The following EDNRA variants were observed in gnomAD, a reference collection of about 807,000 sequenced individuals.
EDNRA encodes the protein endothelin-1 receptor.
A neutral mutation model predicts 41.4 loss-of-function variants in EDNRA; 11 were observed. The observed-to-expected ratio is 0.27, with a 90% confidence interval of 0.17 to 0.44. EDNRA has a LOEUF of 0.44. EDNRA is among the 20% of genes least tolerant of loss of function. The probability of loss-of-function intolerance (pLI) is 1.00; values close to 1 mark genes in which losing one functional copy is unlikely to be tolerated. For synonymous variants in EDNRA, 172 were observed against 183.0 expected, an observed-to-expected ratio of 0.94 and a Z score of 0.49; for missense variants, 294 against 531.0, an observed-to-expected ratio of 0.55 and a Z score of 4.39.
chr4:147,510,956 C>A (rs1729898477), intron 2 of EDNRA, among the ~76,000 whole-genome samples: 1 of 152,154 alleles, frequency 6.6e-6, no homozygotes, highest in African/African-American at 2.4e-5. Flanking sequence ...TGTACAATTT[C>A]AGAGCTGGTA....
intron 4 of EDNRA, among the ~76,000 whole-genome samples, chr4:147,533,009 G>GTGTGTGTTTA (rs1449617446): frequency 1.5e-5 from 2 of 129,770 alleles, no homozygotes; most frequent in African/African-American, 7.3e-5. Context: ...GTGTGTATGT[G>GTGTGTGTTTA]TGTGTGTGTG....
chr4:147,535,866 TC>T lies in EDNRA; in HGVS notation c.748-10del. The T allele has an allele frequency of 3.1e-6, 5 of 1,605,964 alleles. No homozygotes were observed. Among genetic ancestry groups the T allele is most frequent in the African/African-American group, 1.3e-5 (1 of 74,364 alleles). On this transcript the variant is annotated splice_polypyrimidine_tract_variant and intron_variant, in intron 4 of 7. Transcript: ENST00000651419. ...TCCTCCTTTTCTCTTTTTTTTTTTT[TC>T]ACTTTGAAGTTCTACCAAGATGTAA... is the stretch of plus-strand genomic sequence containing the variant.
chr4:147,507,123 A>G (rs1297163893), intron 2 of EDNRA, among the ~76,000 whole-genome samples: 1 of 152,174 alleles, frequency 6.6e-6, no homozygotes. Flanking sequence ...GAGGTAGTAC[A>G]GAATCAAAGA....
chr4:147,509,179 T>G (rs1319123606), intron 2 of EDNRA, among the ~76,000 whole-genome samples: 4 of 152,370 alleles, frequency 2.6e-5, no homozygotes, highest in African/African-American at 7.2e-5. Flanking sequence ...TTCTGCATAT[T>G]GATCTTGGAT....
At chr4:147,489,598 G>A (rs768308987) in intron 2 of EDNRA, 1 of 152,162 alleles carries the variant, frequency 6.6e-6, no homozygotes, top group Non-Finnish European at 1.5e-5. Flanking sequence ...TAACATAACA[G>A]GTATCAAACA....
intron 3 of EDNRA, 82 bp from the exon 4 acceptor site, chr4:147,532,424 C>T: frequency 8.1e-7 from 1 of 1,239,138 alleles, no homozygotes; most frequent in Admixed American, 1.8e-5. Context: ...TGAGGAGGAA[C>T]TTCCCAGCAC....
chr4:147,485,972 G>A lies in EDNRA; in HGVS notation c.291G>A (p.Gly97=). The A allele has an allele frequency of 1.2e-6, 2 of 1,614,248 alleles. No individual in the cohort carries two copies. Among genetic ancestry groups the A allele is most frequent in the Non-Finnish European group, 1.7e-6 (2 of 1,180,038 alleles). Residue 97 remains glycine (G), a synonymous_variant, in exon 2 of 8, where the codon GGG becomes GGA. Transcript: ENST00000651419. ...CTATTTTCATCGTGGGAATGGTGGGGAATGCAACTCTGCTCAGGATCATTT... is the reference window on the plus strand; with the variant it reads ...CTATTTTCATCGTGGGAATGGTGGGAAATGCAACTCTGCTCAGGATCATTT... ...SCTIFIVGMV[G]NATLLRIIYQ...
At chr4:147,509,059 T>G (rs1729830602) in intron 2 of EDNRA, among the ~76,000 whole-genome samples, 1 of 152,368 alleles carries the variant, frequency 6.6e-6, no homozygotes, top group Admixed American at 6.5e-5. Flanking sequence ...AATTCTTCTT[T>G]TGTTATATGT....
intron 2 of EDNRA, among the ~76,000 whole-genome samples, chr4:147,517,563 G>A (rs11939191): frequency 0.046 from 6,949 of 152,106 alleles, 528 homozygotes; most frequent in African/African-American, 0.16. Flanking sequence ...TACAAGTTAG[G>A]GAAGTCTACA....
chr4:147,501,983 T>C (rs1729531764), intron 2 of EDNRA, among the ~76,000 whole-genome samples: 1 of 152,244 alleles, frequency 6.6e-6, no homozygotes, highest in African/African-American at 2.4e-5. Flanking sequence ...ACGTAGGAGT[T>C]CCTATTTCCC....
intron 5 of EDNRA, 118 bp from the exon 6 acceptor site, chr4:147,539,699 C>A (rs939309124): frequency 4.9e-6 from 6 of 1,220,802 alleles, no homozygotes; most frequent in Non-Finnish European, 6.8e-6. Context: ...GGCTGTTCTC[C>A]TGGCTCTTCT....
intron 2 of EDNRA, among the ~76,000 whole-genome samples, chr4:147,497,040 T>A (rs1729324241): frequency 6.6e-6 from 1 of 152,068 alleles, no homozygotes; most frequent in Non-Finnish European, 1.5e-5. Context: ...AATATATACT[T>A]CTTATTTAAT....
intron 2 of EDNRA, chr4:147,490,767 C>G (rs993707858): frequency 2.6e-5 from 4 of 152,114 alleles, no homozygotes; most frequent in Admixed American, 2.6e-4. Flanking sequence ...TAATTTTGAA[C>G]AGAGTGGAAG....
At chr4:147,491,978 A>G (rs181720664) in intron 2 of EDNRA, 28 of 152,288 alleles carry the variant, frequency 1.8e-4, no homozygotes, top group African/African-American at 6.7e-4. Flanking sequence ...ACTCCAGCTA[A>G]CCTGGTCTAT....
chr4:147,499,797 C>CTTTTTTTTTTTTTTTTT (rs58464606), intron 2 of EDNRA, among the ~76,000 whole-genome samples: 1 of 85,350 alleles, frequency 1.2e-5, no homozygotes, highest in African/African-American at 4.7e-5. Context: ...CTCTAAAAGT[C>CTTTTTTTTTTTTTTTTT]TTTTTTTTTT....
intron 1 of EDNRA, among the ~76,000 whole-genome samples, chr4:147,484,571 T>C (rs777726878): frequency 6.6e-6 from 1 of 152,206 alleles, no homozygotes; most frequent in Non-Finnish European, 1.5e-5. Flanking sequence ...GACCATTGTA[T>C]GGATTACAGG....
In EDNRA at chr4:147,535,906, C is replaced by T. The variant is rs768411108; in HGVS notation, c.777C>T (p.Leu259=). The part of the protein sequence containing the change: ...EFYQDVKDWW[L]FGFYFCMPLV... ...ACCAAGATGTAAAGGACTGGTGGCTCTTCGGGTTCTATTTCTGTATGCCCT... is the reference window on the plus strand; with the variant it reads ...ACCAAGATGTAAAGGACTGGTGGCTTTTCGGGTTCTATTTCTGTATGCCCT... Residue 259 remains leucine, a synonymous_variant, in exon 5 of 8, where the codon CTC becomes CTT. Transcript: ENST00000651419. 12 of 1,611,812 alleles carry T rather than the reference C, an allele frequency of 7.4e-6. No homozygotes were observed. Among genetic ancestry groups the T allele is most frequent in the Admixed American group, 1.7e-5 (1 of 59,858 alleles).
chr4:147,537,216 A>T lies in EDNRA; in HGVS notation c.900+1187A>T, dbSNP rs187289539. ...TCTGAGCTTCAGCTTTTCATCTGTA[A>T]ATTGGGCATAATATATGAATCAATA... On this transcript the variant is annotated intron_variant, in intron 5 of 7. Transcript: ENST00000651419. Among the ~76,000 whole-genome samples the T allele has an allele frequency of 4.6e-5, 7 of 152,288 alleles. No individual in the cohort carries two copies. The East Asian group carries it at 1.3e-3, about 29-fold the overall frequency.
At chr4:147,492,689 C>T (rs1729178253) in intron 2 of EDNRA, 1 of 146,744 alleles carries the variant, frequency 6.8e-6, no homozygotes, top group Non-Finnish European at 1.5e-5. Flanking sequence ...TGAGAGAATA[C>T]GAAGTAGGTT....
Sources: gnomAD v4.1 joint callset for allele counts (sites outside exome capture counted in the v4.1 genomes callset) on GRCh38, gnomAD v4.1.1 for gene constraint, MANE v1.5 for transcripts, NCBI Gene and HGNC (gene_info 2026-07-23, HGNC 2026-07-21) for gene names.